CCDC183: variants seen among roughly 807,000 people sequenced by gnomAD.
CCDC183 encodes the protein coiled-coil domain containing 183, also known as coiled-coil domain-containing protein 183.
Under a neutral mutation model 65.2 loss-of-function variants are expected in CCDC183, and 63 were observed. That is an observed-to-expected ratio of 0.97 (90% CI 0.79 to 1.19). CCDC183 has a LOEUF of 1.19. Among genes scored for constraint, CCDC183 ranks in the 50% most tolerant of loss-of-function variants. The pLI is 0.00. For missense variants in CCDC183, 769 were observed against 689.3 expected, an observed-to-expected ratio of 1.12 and a Z score of -1.30; for synonymous variants, 323 against 276.5, an observed-to-expected ratio of 1.17 and a Z score of -1.67.
Position 136,800,504 on chromosome 9 carries a change from C to A in CCDC183, c.543+11C>A, listed in dbSNP as rs546757366. 6.6e-7 allele frequency: 1 copy of A among 1,516,624 alleles called. No individual in the cohort carries two copies. The highest frequency in any genetic ancestry group is 9.0e-7 in the Non-Finnish European group (1 of 1,105,470). The allele number at this position is 1,516,624 out of a possible 1,614,324, so 93.9% of individuals were successfully genotyped here. On this transcript the variant is annotated intron_variant, in intron 5 of 13. Transcript: ENST00000338005. ...GATTATCTGAAGACAGTGAGCCCAGCGGCCCGGGAAGGGCGGGGGTCAGGG... is the reference window on the plus strand; with the variant it reads ...GATTATCTGAAGACAGTGAGCCCAGAGGCCCGGGAAGGGCGGGGGTCAGGG...
Position 136,807,680 on chromosome 9 carries a change from A to G in CCDC183, c.1595A>G (p.Lys532Arg). The G allele has an allele frequency of 6.2e-7, 1 of 1,600,628 alleles. No individual in the cohort carries two copies. The highest frequency in any genetic ancestry group is 8.5e-7 in the Non-Finnish European group (1 of 1,173,838). ...GGGAAGCTCAAGGCGGCCAAGAAAA[A>G]GAAGAAGTAGCCCCGCCGCCCCGCT... Reference protein sequence around the residue: ...IEGKLKAAKKKKK With the variant: ...IEGKLKAAKKRKK The change falls in exon 14 of 14, where the codon AAG becomes AGG. Residue 532 changes from lysine to arginine, a missense_variant. Lys to Arg is a conservative substitution (Grantham distance 26). Coordinates refer to ENST00000338005, the MANE Select transcript of CCDC183 (RefSeq NM_001039374.5).
In CCDC183 at chr9:136,804,571, CAGA is replaced by C. The variant is rs767748428; in HGVS notation, c.742_744del (p.Lys248del). The C allele has an allele frequency of 2.9e-5, 47 of 1,612,902 alleles. No individual in the cohort carries two copies. Among genetic ancestry groups the C allele is most frequent in the African/African-American group, 2.4e-4 (18 of 74,732 alleles). ...GGCAAGGGAGAACCGGCTCAACCAG[CAGA>C]AGAAGCTGATCGACAAGATCCACAC... On this transcript the variant is annotated inframe_deletion, in exon 7 of 14. Transcript: ENST00000338005. The surrounding 1 kb of genome is among the most constrained non-coding windows in gnomAD (Gnocchi z 4.1).
At chr9:136,796,981 GAGGCCTCTTTGCAGTTGAGATAAGAGGA>G (rs1847658240) in intron 1 of CCDC183, among the ~76,000 whole-genome samples, 1 of 152,110 alleles carries the variant, frequency 6.6e-6, no homozygotes, top group South Asian at 2.1e-4. Context: ...GTGAAAGAGG[GAGGCCTCTTTGCAGTTGAGATAAGAGGA>G]AGGCATCTGT....
At chr9:136,805,227 T>C (rs948859324) in intron 8 of CCDC183, 130 bp from the exon 9 acceptor site, 2 of 708,530 alleles carry the variant, frequency 2.8e-6, no homozygotes, top group Middle Eastern at 2.5e-4. Context: ...GGGGCAGGCA[T>C]CTCTGAAGGA....
chr9:136,806,878 G>A lies in CCDC183; in HGVS notation c.1389+11G>A. On this transcript the variant is annotated intron_variant, in intron 12 of 13. Coordinates refer to ENST00000338005, the MANE Select transcript of CCDC183 (RefSeq NM_001039374.5). ...TCCAGGACCGAGGAGGTAGCCCCGG[G>A]CTGGGAGGAACCTGCACAGCCCACG... 6.2e-7 allele frequency: 1 copy of A among 1,613,414 alleles called. No homozygotes were observed. The highest frequency in any genetic ancestry group is 8.5e-7 in the Non-Finnish European group (1 of 1,180,010).
intron 1 of CCDC183, 134 bp from the exon 2 acceptor site, chr9:136,798,968 G>A: frequency 8.3e-7 from 1 of 1,206,226 alleles, no homozygotes; most frequent in Admixed American, 2.5e-5. Flanking sequence ...CGGGAGGAGG[G>A]ATCTTGGCCA....
intron 1 of CCDC183, among the ~76,000 whole-genome samples, chr9:136,797,399 A>G (rs1847663554): frequency 6.6e-6 from 1 of 151,256 alleles, no homozygotes; most frequent in Non-Finnish European, 1.5e-5. Context: ...TGAGTGTGCC[A>G]GTCCCCTGGG....
intron 1 of CCDC183, among the ~76,000 whole-genome samples, chr9:136,797,502 G>A (rs1223407737): frequency 2.2e-4 from 33 of 151,386 alleles, no homozygotes; most frequent in Admixed American, 1.9e-3. Context: ...GCAGTGGCGC[G>A]ATCTCGGCTC....
chr9:136,797,419 C>A (rs1847663941), intron 1 of CCDC183, among the ~76,000 whole-genome samples: 1 of 150,658 alleles, frequency 6.6e-6, no homozygotes, highest in African/African-American at 2.4e-5. Context: ...GCCCACTGTT[C>A]TTTCTCTATA....
intron 9 of CCDC183, 77 bp from the exon 10 acceptor site, chr9:136,806,001 A>G (rs886656263): frequency 2.8e-5 from 35 of 1,253,870 alleles, no homozygotes; most frequent in Non-Finnish European, 3.7e-5. Context: ...AGGGGCCCAG[A>G]AGAAACCAGT....
rs749238958 is a variant in CCDC183 at position 136,806,998 on chromosome 9, A to T, written c.1418A>T (p.Glu473Val). The change falls in exon 13 of 14, where the codon GAG becomes GTG. Residue 473 changes from glutamate (E) to valine (V), a missense_variant. Transcript: ENST00000338005. ...GACACAAAGGTGAGGGACACCCTGG[A>T]GTCCTCGACTCTGATGGAGAAGTAC... ...EGDTKVRDTL[E>V]SSTLMEKYNT... is the part of the protein sequence containing the mutation. The T allele has an allele frequency of 6.2e-7, 1 of 1,613,706 alleles. No individual in the cohort carries two copies. The highest frequency in any genetic ancestry group is 1.1e-5 in the South Asian group (1 of 91,078).
chr9:136,807,133 G>C, intron 13 of CCDC183, 67 bp downstream of exon 13: 1 of 1,447,882 alleles, frequency 6.9e-7, no homozygotes, highest in Non-Finnish European at 9.6e-7. Context: ...GGGTGGCGCC[G>C]GCTCCCATCC....
chr9:136,800,142 C>T lies in CCDC183; in HGVS notation c.411C>T (p.Ala137=). ...ACAGCCTGCGGAGCCAGCCCGACGC[C>T]AGCAAGGAGGAGCTGCGGCTGCTGC... ...ELDSLRSQPD[A]SKEELRLLQI... is the part of the protein sequence containing the mutation. Residue 137 remains alanine (A), a synonymous_variant, in exon 4 of 14, where the codon GCC becomes GCT. Transcript: ENST00000338005. The T allele has an allele frequency of 1.0e-5, 16 of 1,534,342 alleles. No individual in the cohort carries two copies. Among genetic ancestry groups the T allele is most frequent in the Non-Finnish European group, 1.4e-5 (16 of 1,145,212 alleles).
At chr9:136,799,076 ACT>A in intron 1 of CCDC183, 24 bp from the exon 2 acceptor site, 5 of 1,611,786 alleles carry the variant, frequency 3.1e-6, no homozygotes, top group Non-Finnish European at 3.4e-6. Context: ...AATCCTAGCC[ACT>A]GTGTCCCCTC....
chr9:136,799,276 T>TAC, intron 2 of CCDC183, 53 bp downstream of exon 2: 1 of 1,542,524 alleles, frequency 6.5e-7, no homozygotes, highest in Non-Finnish European at 8.7e-7. Flanking sequence ...AGGAGCTGAG[T>TAC]ACACACACAC....
In CCDC183 at chr9:136,800,345, G is replaced by A. The variant is rs1467343492; in HGVS notation, c.439-44G>A. On this transcript the variant is annotated intron_variant, in intron 4 of 13. Transcript: ENST00000338005. Reference sequence around the variant, plus strand: ...AACCCAGCCCCGACACCCTCCGGGCGGCCGGTCCCCACGCCCTCTCACTGC... The same window carrying A: ...AACCCAGCCCCGACACCCTCCGGGCAGCCGGTCCCCACGCCCTCTCACTGC... The A allele has an allele frequency of 2.6e-6, 4 of 1,542,868 alleles. No homozygotes were observed. The Admixed American group carries it at 5.5e-5, about 21-fold the overall frequency.
chr9:136,799,868 G>A lies in CCDC183; in HGVS notation c.270+78G>A, dbSNP rs1016285437. The A allele has an allele frequency of 3.2e-5, 42 of 1,300,556 alleles. No individual in the cohort carries two copies. In the African/African-American group the frequency reaches 5.7e-4, roughly 18 times the overall value. 80.6% of individuals were successfully genotyped at this position (1,300,556 alleles called of 1,614,324 possible). A position where few individuals can be genotyped will look rare whatever the true frequency, so the allele number is the denominator to read the frequency against. On this transcript the variant is annotated intron_variant, in intron 3 of 13. Transcript: ENST00000338005. Reference sequence around the variant, plus strand: ...CCCCCCCACTAGATGTTGCGGAGCCGACGAGGGACGGAGCAGGTGCCCAGC... The same window carrying A: ...CCCCCCCACTAGATGTTGCGGAGCCAACGAGGGACGGAGCAGGTGCCCAGC...
chr9:136,803,445 A>G (rs1484778955), intron 6 of CCDC183, among the ~76,000 whole-genome samples: 1 of 152,116 alleles, frequency 6.6e-6, no homozygotes, highest in Non-Finnish European at 1.5e-5. Context: ...CACAGGAGCC[A>G]TGAAGTAGAG....
intron 4 of CCDC183, 50 bp from the exon 5 acceptor site, chr9:136,800,339 C>T: frequency 2.0e-6 from 3 of 1,532,356 alleles, no homozygotes; most frequent in Non-Finnish European, 2.7e-6. Context: ...CCGACACCCT[C>T]CGGGCGGCCG....
Sources: allele counts gnomAD v4.1 joint callset (sites outside exome capture counted in the v4.1 genomes callset), GRCh38; gene constraint gnomAD v4.1.1; non-coding constraint Gnocchi (gnomAD v3.1); transcripts MANE v1.5; gene names NCBI Gene and HGNC (gene_info 2026-07-23, HGNC 2026-07-21).